The following MAGI1 variants were observed in gnomAD, a reference collection of about 807,000 sequenced individuals.
MAGI1 encodes the protein membrane-associated guanylate kinase, WW and PDZ domain-containing protein 1.
MAGI1 carries 58 observed loss-of-function variants against 139.9 expected under a neutral mutation model. The observed-to-expected ratio is 0.41, with a 90% CI of 0.34 to 0.52. MAGI1 has a LOEUF of 0.52. Ranked by LOEUF, MAGI1 falls within the 20% of genes least tolerant of loss-of-function variation. MAGI1 has a pLI of 0.12. For missense variants in MAGI1, 1,874 were observed against 1,901.6 expected, an observed-to-expected ratio of 0.99 and a Z score of 0.27; for synonymous variants, 812 against 737.9, an observed-to-expected ratio of 1.10 and a Z score of -1.63.
chr3:65,606,014 G>A (rs938312700), intron 2 of MAGI1, among the ~76,000 whole-genome samples: 4 of 151,064 alleles, frequency 2.6e-5, no homozygotes, highest in Non-Finnish European at 5.9e-5. Flanking sequence ...CACAGAATGT[G>A]CATTTCTACT....
At chr3:65,583,472 C>G (rs796438554) in intron 2 of MAGI1, among the ~76,000 whole-genome samples, 11 of 152,166 alleles carry the variant, frequency 7.2e-5, no homozygotes, top group African/African-American at 2.4e-4. Flanking sequence ...AACTAGAACC[C>G]CATTTTGTTG....
chr3:65,761,179 C>T (rs943935905), intron 1 of MAGI1, among the ~76,000 whole-genome samples: 2 of 152,114 alleles, frequency 1.3e-5, no homozygotes, highest in Admixed American at 6.6e-5. Context: ...ATTTCCAGAG[C>T]GCCCTGGGAT....
At chr3:65,564,759 T>C (rs149458821) in intron 2 of MAGI1, among the ~76,000 whole-genome samples, 1 of 152,210 alleles carries the variant, frequency 6.6e-6, no homozygotes, top group African/African-American at 2.4e-5. Context: ...GCAGAGGGAT[T>C]AGTTGTCAAA....
chr3:65,808,359 C>T (rs1424449703), intron 1 of MAGI1, among the ~76,000 whole-genome samples: 1 of 151,860 alleles, frequency 6.6e-6, no homozygotes, highest in African/African-American at 2.4e-5. Flanking sequence ...AAAAGGCAGG[C>T]ATGGTGGCAC....
intron 2 of MAGI1, among the ~76,000 whole-genome samples, chr3:65,604,747 C>CTATTGACAA (rs2082654150): frequency 4.0e-5 from 6 of 150,020 alleles, no homozygotes; most frequent in Admixed American, 4.0e-4. Context: ...AAAAAAAAAA[C>CTATTGACAA]TATTGACAAG....
intron 1 of MAGI1, among the ~76,000 whole-genome samples, chr3:65,671,356 C>T (rs185576931): frequency 1.3e-5 from 2 of 152,244 alleles, no homozygotes. Flanking sequence ...GTATCCTCGG[C>T]TCTTACTGAC....
At chr3:65,905,177 G>T (rs1049886263) in intron 1 of MAGI1, among the ~76,000 whole-genome samples, 8 of 152,108 alleles carry the variant, frequency 5.3e-5, no homozygotes, top group African/African-American at 1.9e-4. Context: ...ATTCAGCTAG[G>T]GTTGAGAACT....
chr3:65,768,934 C>A (rs1016149293), intron 1 of MAGI1, among the ~76,000 whole-genome samples: 2 of 152,152 alleles, frequency 1.3e-5, no homozygotes, highest in Non-Finnish European at 2.9e-5. Flanking sequence ...TGTCATTTTA[C>A]TGTAGCCCAC....
At chr3:65,392,612 C>T (rs1401399186) in intron 13 of MAGI1, among the ~76,000 whole-genome samples, 3 of 152,142 alleles carry the variant, frequency 2.0e-5, no homozygotes, top group Admixed American at 6.5e-5. Context: ...GCCATTCTTC[C>T]TTGCTGTCTC....
chr3:65,922,936 AAC>A (rs1277208690), intron 1 of MAGI1, among the ~76,000 whole-genome samples: 1 of 69,962 alleles, frequency 1.4e-5, no homozygotes, highest in Non-Finnish European at 2.4e-5. Flanking sequence ...ATAATAGGAA[AAC>A]ATAACATTTT....
At chr3:65,689,919 G>A (rs59506940) in intron 1 of MAGI1, among the ~76,000 whole-genome samples, 20,879 of 152,116 alleles carry the variant, frequency 0.14, 2,254 homozygotes, top group East Asian at 0.43. Flanking sequence ...CCAGGCATAC[G>A]TGTCTGCTGC....
intron 1 of MAGI1, among the ~76,000 whole-genome samples, chr3:65,996,400 C>G (rs2066450263): frequency 6.6e-6 from 1 of 152,076 alleles, no homozygotes; most frequent in South Asian, 2.1e-4. Flanking sequence ...CATAATTCCA[C>G]CCCATTCAAT....
chr3:65,907,957 CT>C (rs1407318954), intron 1 of MAGI1, among the ~76,000 whole-genome samples: 1 of 152,218 alleles, frequency 6.6e-6, no homozygotes, highest in Middle Eastern at 3.2e-3. Flanking sequence ...TGGAATCCCT[CT>C]GTTTCACTTT....
chr3:65,431,765 G>A (rs1223727595), intron 10 of MAGI1, among the ~76,000 whole-genome samples: 1 of 151,748 alleles, frequency 6.6e-6, no homozygotes, highest in Admixed American at 6.6e-5. Flanking sequence ...GTCAGGTGGA[G>A]CACTGAGGTC....
chr3:65,510,593 A>C (rs1346341829), intron 2 of MAGI1, among the ~76,000 whole-genome samples: 5 of 138,232 alleles, frequency 3.6e-5, no homozygotes, highest in East Asian at 2.1e-4. Flanking sequence ...GCGAGAAGGG[A>C]AGTTTAGAGA....
intron 1 of MAGI1, among the ~76,000 whole-genome samples, chr3:65,624,230 T>C (rs1490030369): frequency 6.6e-6 from 1 of 151,994 alleles, no homozygotes; most frequent in Admixed American, 6.6e-5. Context: ...TAGAAAGTCA[T>C]ACCTTCAATA....
chr3:65,546,386 C>T (rs1377088546), intron 2 of MAGI1, among the ~76,000 whole-genome samples: 1 of 152,150 alleles, frequency 6.6e-6, no homozygotes, highest in Non-Finnish European at 1.5e-5. Flanking sequence ...AATGTACAGT[C>T]CTTTATGGAT....
intron 1 of MAGI1, among the ~76,000 whole-genome samples, chr3:65,897,156 A>C (rs1394176463): frequency 6.6e-6 from 1 of 152,226 alleles, no homozygotes; most frequent in Non-Finnish European, 1.5e-5. Context: ...TACATCACTA[A>C]AGAATAAAAC....
intron 2 of MAGI1, among the ~76,000 whole-genome samples, chr3:65,546,124 C>T (rs2079495911): frequency 1.3e-5 from 2 of 152,116 alleles, no homozygotes; most frequent in African/African-American, 4.8e-5. Context: ...TATAAACATA[C>T]ATTTAAAATC....
Sources: allele counts gnomAD v4.1 joint callset (sites outside exome capture counted in the v4.1 genomes callset), GRCh38; gene constraint gnomAD v4.1.1; transcripts MANE v1.5; gene names NCBI Gene and HGNC (gene_info 2026-07-23, HGNC 2026-07-21).